Variants in NTRK3 observed in about 807,000 individuals in gnomAD.
NTRK3 encodes NT-3 growth factor receptor.
NTRK3 carries 24 observed loss-of-function variants against 91.7 expected under a neutral mutation model. That is an observed-to-expected ratio of 0.26 (90% confidence interval 0.19 to 0.37). The LOEUF is 0.37. NTRK3 is among the 10% of genes least tolerant of loss of function. The pLI is 1.00. For synonymous variants in NTRK3, 483 were observed against 404.0 expected, an observed-to-expected ratio of 1.20 and a Z score of -2.34; for missense variants, 880 against 1,068.9, an observed-to-expected ratio of 0.82 and a Z score of 2.46.
At chr15:88,001,624 C>T (rs975615683) in intron 14 of NTRK3, among the ~76,000 whole-genome samples, 20 of 152,106 alleles carry the variant, frequency 1.3e-4, no homozygotes, top group African/African-American at 4.6e-4. Flanking sequence ...GTTTTGGCAA[C>T]ATTGTTGAAA....
exon 19 of NTRK3, chr15:87,864,138 T>G (rs1285808294): frequency 4.3e-6 from 1 of 232,740 alleles, no homozygotes; most frequent in Non-Finnish European, 8.5e-6. Context: ...AGTGAGAATT[T>G]TCTTGCCCCA....
At chr15:88,026,158 C>A (rs962688998) in intron 14 of NTRK3, among the ~76,000 whole-genome samples, 32 of 152,076 alleles carry the variant, frequency 2.1e-4, no homozygotes, top group African/African-American at 7.5e-4. Flanking sequence ...GTAGTCCCAG[C>A]TACTCAGGAG....
At chr15:88,186,389 A>G (rs1369784724) in intron 3 of NTRK3, among the ~76,000 whole-genome samples, 1 of 152,134 alleles carries the variant, frequency 6.6e-6, no homozygotes, top group East Asian at 1.9e-4. Flanking sequence ...TCCCTGACTT[A>G]GGCAAGCACT....
exon 14 of NTRK3, chr15:88,032,993 G>A (rs927716788): frequency 6.2e-7 from 1 of 1,608,924 alleles, no homozygotes; most frequent in Non-Finnish European, 8.5e-7. Context: ...CGTGGTTGAT[G>A]TGGTGCAGTG....
chr15:88,110,306 C>G (rs1429701820), intron 13 of NTRK3, among the ~76,000 whole-genome samples: 10 of 152,196 alleles, frequency 6.6e-5, no homozygotes, highest in African/African-American at 9.7e-5. Flanking sequence ...GACCTAGCGT[C>G]TTCCTGTCTG....
At chr15:88,091,827 G>C (rs559082242) in intron 13 of NTRK3, among the ~76,000 whole-genome samples, 5 of 152,156 alleles carry the variant, frequency 3.3e-5, no homozygotes, top group African/African-American at 9.7e-5. Context: ...TGCCAGCCTA[G>C]TGTCCCCAAG....
intron 13 of NTRK3, among the ~76,000 whole-genome samples, chr15:88,109,476 G>A (rs1393304534): frequency 6.6e-6 from 1 of 152,206 alleles, no homozygotes; most frequent in Non-Finnish European, 1.5e-5. Context: ...ACAAGTCACA[G>A]TGAAAATCAA....
intron 3 of NTRK3, among the ~76,000 whole-genome samples, chr15:88,208,453 C>T (rs965875665): frequency 3.9e-5 from 6 of 152,158 alleles, no homozygotes; most frequent in Non-Finnish European, 1.5e-5. Flanking sequence ...GTGTCTCAGG[C>T]TATAAAGTGC....
intron 17 of NTRK3, among the ~76,000 whole-genome samples, chr15:87,920,219 G>A (rs2067763363): frequency 1.3e-5 from 2 of 152,170 alleles, no homozygotes; most frequent in Non-Finnish European, 2.9e-5. Context: ...TTTAATCAAG[G>A]AAATAAGGTT....
At chr15:88,102,156 C>T (rs973648355) in intron 13 of NTRK3, among the ~76,000 whole-genome samples, 2 of 152,132 alleles carry the variant, frequency 1.3e-5, no homozygotes, top group African/African-American at 4.8e-5. Flanking sequence ...CTCCCCTGGT[C>T]CTATGCAACA....
chr15:88,236,386 A>G (rs1198137569), intron 3 of NTRK3, among the ~76,000 whole-genome samples: 2 of 152,010 alleles, frequency 1.3e-5, no homozygotes, highest in East Asian at 3.9e-4. Context: ...AAAAAGCCCA[A>G]AACAGGCTGG....
At chr15:88,093,819 G>C (rs533361064) in intron 13 of NTRK3, among the ~76,000 whole-genome samples, 1 of 152,110 alleles carries the variant, frequency 6.6e-6, no homozygotes. Flanking sequence ...GCCTCAAGCG[G>C]GGGGGTTGCT....
chr15:87,910,383 C>A (rs929532006), intron 17 of NTRK3, among the ~76,000 whole-genome samples: 1 of 152,160 alleles, frequency 6.6e-6, no homozygotes, highest in Non-Finnish European at 1.5e-5. Flanking sequence ...GAGACAGGTT[C>A]AGAAATGGCT....
At chr15:88,146,349 T>C (rs1198685405) in intron 6 of NTRK3, among the ~76,000 whole-genome samples, 1 of 152,110 alleles carries the variant, frequency 6.6e-6, no homozygotes, top group Admixed American at 6.6e-5. Context: ...TAGGCAGAGG[T>C]CCAAGGTCAT....
At chr15:87,879,080 G>A (rs866393952) in intron 18 of NTRK3, among the ~76,000 whole-genome samples, 21 of 152,134 alleles carry the variant, frequency 1.4e-4, no homozygotes, top group African/African-American at 5.1e-4. Flanking sequence ...TTTGGGAAAT[G>A]TGGTCAGGCC....
rs539011176 is a variant in NTRK3 at position 88,075,691 on chromosome 15, C to T, written c.1397-42646G>A. On this transcript the variant is annotated intron_variant, in intron 13 of 18. Coordinates refer to ENST00000394480, the Ensembl canonical transcript of NTRK3. ...CCTCAAAATTCCCTCCACCCAGCTGCAATTTCTCTTGCTTCGGTTCCATGA... is the reference window on the plus strand; with the variant it reads ...CCTCAAAATTCCCTCCACCCAGCTGTAATTTCTCTTGCTTCGGTTCCATGA... Among the ~76,000 whole-genome samples the T allele has an allele frequency of 3.3e-5, 5 of 152,300 alleles. No individual in the cohort carries two copies. The South Asian group carries it at 8.3e-4, about 25-fold the overall frequency.
chr15:88,248,993 G>A (rs1458182380), intron 3 of NTRK3, among the ~76,000 whole-genome samples: 1 of 152,200 alleles, frequency 6.6e-6, no homozygotes, highest in Admixed American at 6.5e-5. Context: ...GGAGGAAAGG[G>A]ATTTGTTCAA....
intron 17 of NTRK3, among the ~76,000 whole-genome samples, chr15:87,881,757 A>G (rs911956776): frequency 4.6e-5 from 7 of 152,196 alleles, no homozygotes; most frequent in Middle Eastern, 3.4e-3. Flanking sequence ...TTAGAGAAAT[A>G]ATAACAATGA....
At chr15:88,096,368 G>A (rs955268230) in intron 13 of NTRK3, among the ~76,000 whole-genome samples, 8 of 152,200 alleles carry the variant, frequency 5.3e-5, no homozygotes, top group Non-Finnish European at 1.0e-4. Context: ...AATCACCCAC[G>A]ATGACTATCA....
Sources: gnomAD v4.1 joint callset for allele counts (sites outside exome capture counted in the v4.1 genomes callset) on GRCh38, gnomAD v4.1.1 for gene constraint, MANE v1.5 for transcripts, NCBI Gene and HGNC (gene_info 2026-07-23, HGNC 2026-07-21) for gene names.